HDAC9: variants seen among roughly 807,000 people sequenced by gnomAD.
HDAC9 encodes the protein MEF-2 interacting transcription repressor (MITR) protein.
HDAC9 carries 41 observed loss-of-function variants against 139.4 expected under a neutral mutation model. The ratio of observed to expected loss-of-function variants is 0.29; its 90% CI spans 0.23 to 0.38. HDAC9 has a LOEUF of 0.38. HDAC9 is among the 10% of genes least tolerant of loss of function. The pLI, the probability that HDAC9 is intolerant of heterozygous loss-of-function variation, is 1.00. For synonymous variants in HDAC9, 517 were observed against 476.2 expected, an observed-to-expected ratio of 1.09 and a Z score of -1.12; for missense variants, 1,147 against 1,297.0, an observed-to-expected ratio of 0.88 and a Z score of 1.78.
intron 11 of HDAC9, among the ~76,000 whole-genome samples, chr7:18,657,413 G>A (rs560798772): frequency 6.6e-6 from 1 of 152,168 alleles, no homozygotes; most frequent in South Asian, 2.1e-4. Flanking sequence ...AATCATCAAT[G>A]ATTAGCAAAG....
intron 2 of HDAC9, among the ~76,000 whole-genome samples, chr7:18,576,544 C>T (rs1480658646): frequency 6.6e-6 from 1 of 151,872 alleles, no homozygotes; most frequent in Non-Finnish European, 1.5e-5. Flanking sequence ...CACCTGTAGT[C>T]CCAGCTACTC....
At chr7:18,686,386 G>A (rs190065461) in intron 12 of HDAC9, among the ~76,000 whole-genome samples, 1 of 151,954 alleles carries the variant, frequency 6.6e-6, no homozygotes, top group Admixed American at 6.6e-5. Context: ...TGGCTTCACA[G>A]TTGTGGCCCT....
At chr7:18,863,644 G>A (rs897774931) in intron 21 of HDAC9, among the ~76,000 whole-genome samples, 7 of 151,952 alleles carry the variant, frequency 4.6e-5, no homozygotes, top group Admixed American at 4.6e-4. Context: ...GAATTTAGTG[G>A]GAAGAAGCAA....
intron 4 of HDAC9, among the ~76,000 whole-genome samples, chr7:18,590,925 G>T (rs770031064): frequency 2.7e-4 from 41 of 152,142 alleles, no homozygotes; most frequent in Non-Finnish European, 4.0e-4. Context: ...CATAACACAT[G>T]CAAAAGAACT....
At chr7:18,933,421 G>A (rs1007655475) in intron 22 of HDAC9, among the ~76,000 whole-genome samples, 10 of 151,984 alleles carry the variant, frequency 6.6e-5, no homozygotes, top group African/African-American at 2.4e-4. Flanking sequence ...GACTCTCTCT[G>A]GGGTCCCTTT....
At chr7:18,735,761 T>G (rs1477534010) in intron 13 of HDAC9, among the ~76,000 whole-genome samples, 1 of 152,224 alleles carries the variant, frequency 6.6e-6, no homozygotes, top group Non-Finnish European at 1.5e-5. Flanking sequence ...GTTTTTCCAA[T>G]TCTGTGAAGA....
intron 2 of HDAC9, among the ~76,000 whole-genome samples, chr7:18,245,953 A>C (rs1381839376): frequency 6.6e-6 from 1 of 151,908 alleles, no homozygotes; most frequent in Non-Finnish European, 1.5e-5. Context: ...ATCTGGGAAC[A>C]CTGAAGAGCA....
At chr7:18,641,592 G>A (rs1785607951) in intron 8 of HDAC9, among the ~76,000 whole-genome samples, 1 of 151,990 alleles carries the variant, frequency 6.6e-6, no homozygotes, top group Non-Finnish European at 1.5e-5. Flanking sequence ...AAAATCTTTG[G>A]TTCTGAAAAA....
chr7:18,971,195 A>C (rs918966815), intron 24 of HDAC9, among the ~76,000 whole-genome samples: 1 of 152,206 alleles, frequency 6.6e-6, no homozygotes, highest in Non-Finnish European at 1.5e-5. Flanking sequence ...CCAGAAAAAA[A>C]CAAAAACACA....
At chr7:18,906,650 T>C (rs548305985) in intron 22 of HDAC9, among the ~76,000 whole-genome samples, 6 of 152,280 alleles carry the variant, frequency 3.9e-5, no homozygotes, top group African/African-American at 1.2e-4. Context: ...GTTTATTTGC[T>C]CCTTCACAGC....
At chr7:18,471,271 C>T (rs765148014) in intron 1 of HDAC9, among the ~76,000 whole-genome samples, 8 of 152,126 alleles carry the variant, frequency 5.3e-5, no homozygotes, top group African/African-American at 9.7e-5. Context: ...ACTTCACTCT[C>T]GGCATACAGT....
At chr7:18,802,095 T>G (rs1793349448) in intron 17 of HDAC9, among the ~76,000 whole-genome samples, 1 of 151,830 alleles carries the variant, frequency 6.6e-6, no homozygotes. Context: ...TATATTTCTT[T>G]TAATAATTTC....
At chr7:18,956,866 C>T (rs1257413759) in intron 24 of HDAC9, among the ~76,000 whole-genome samples, 7 of 152,098 alleles carry the variant, frequency 4.6e-5, no homozygotes, top group African/African-American at 1.7e-4. Flanking sequence ...TGCATGGTCA[C>T]ATAGGTCCTA....
intron 14 of HDAC9, among the ~76,000 whole-genome samples, chr7:18,750,868 A>G (rs970925462): frequency 1.3e-5 from 2 of 152,136 alleles, no homozygotes; most frequent in Admixed American, 6.6e-5. Flanking sequence ...CAGCTGAGGC[A>G]TTGCTGCTTA....
At chr7:18,107,020 G>A (rs1467177763) in intron 1 of HDAC9, among the ~76,000 whole-genome samples, 1 of 152,206 alleles carries the variant, frequency 6.6e-6, no homozygotes, top group Non-Finnish European at 1.5e-5. Context: ...GAGTGTGCAT[G>A]TAAGTGTTAT....
intron 1 of HDAC9, among the ~76,000 whole-genome samples, chr7:18,415,280 G>C (rs74616402): frequency 6.6e-6 from 1 of 152,314 alleles, no homozygotes; most frequent in African/African-American, 2.4e-5. Context: ...CCATGGGGCT[G>C]ATGTTAAGCC....
At chr7:18,747,471 T>A (rs1235449304) in intron 13 of HDAC9, among the ~76,000 whole-genome samples, 3 of 152,222 alleles carry the variant, frequency 2.0e-5, no homozygotes, top group African/African-American at 7.2e-5. Flanking sequence ...CATTAAGGTT[T>A]CTCGTATGAA....
chr7:18,745,790 T>C (rs575609563), intron 13 of HDAC9, among the ~76,000 whole-genome samples: 114 of 150,988 alleles, frequency 7.6e-4, no homozygotes, highest in African/African-American at 2.5e-3. Flanking sequence ...TCATGATCCA[T>C]CCGCCTCGGC....
intron 25 of HDAC9, among the ~76,000 whole-genome samples, chr7:18,976,459 G>A (rs1254691703): frequency 1.3e-5 from 2 of 152,170 alleles, no homozygotes; most frequent in Non-Finnish European, 2.9e-5. Context: ...TGGATAAAGG[G>A]GGAAGTTGCC....
Sources: gnomAD v4.1 joint callset for allele counts (sites outside exome capture counted in the v4.1 genomes callset) on GRCh38, gnomAD v4.1.1 for gene constraint, MANE v1.5 for transcripts, NCBI Gene and HGNC (gene_info 2026-07-23, HGNC 2026-07-21) for gene names.